The following MYH10 variants were observed in gnomAD, a reference collection of about 807,000 sequenced individuals.
The protein encoded by MYH10 is myosin heavy chain 10.
MYH10 carries 55 observed loss-of-function variants against 257.8 expected under a neutral mutation model. The ratio of observed to expected loss-of-function variants is 0.21; its 90% CI spans 0.17 to 0.27. The LOEUF (loss-of-function observed/expected upper bound fraction) is 0.27. MYH10 is among the 10% of genes least tolerant of loss of function. MYH10 has a pLI of 1.00. For missense variants in MYH10, 1,631 were observed against 2,500.6 expected (o/e 0.65, Z 7.42); for synonymous variants, 854 against 921.7 (o/e 0.93, Z 1.33).
At chr17:8,551,582 C>T (rs2082645358) in intron 9 of MYH10, among the ~76,000 whole-genome samples, 1 of 152,164 alleles carries the variant, frequency 6.6e-6, no homozygotes, top group Non-Finnish European at 1.5e-5. Context: ...CTGCCCAACT[C>T]TAAACTTCTA....
At chr17:8,626,240 G>A (rs185459421) in intron 1 of MYH10, among the ~76,000 whole-genome samples, 1 of 152,252 alleles carries the variant, frequency 6.6e-6, no homozygotes, top group East Asian at 1.9e-4. Flanking sequence ...TTAACAAGTT[G>A]TCTCTTTCCA....
chr17:8,495,593 A>T (rs2151828835), intron 30 of MYH10, among the ~76,000 whole-genome samples: 1 of 152,330 alleles, frequency 6.6e-6, no homozygotes, highest in Middle Eastern at 3.4e-3. Flanking sequence ...GGGGAGGCTG[A>T]AGGCCAGCAG....
At chr17:8,610,540 T>G (rs1255528273) in intron 2 of MYH10, among the ~76,000 whole-genome samples, 1 of 152,230 alleles carries the variant, frequency 6.6e-6, no homozygotes, top group Non-Finnish European at 1.5e-5. Context: ...AAGCATGTGC[T>G]GGAAATTTAA....
At chr17:8,511,925 G>C (rs894127450) in intron 24 of MYH10, among the ~76,000 whole-genome samples, 1 of 152,200 alleles carries the variant, frequency 6.6e-6, no homozygotes, top group African/African-American at 2.4e-5. Flanking sequence ...AAGCACATTT[G>C]TCTGTTTCAA....
chr17:8,572,470 A>T (rs1206695918), intron 6 of MYH10, among the ~76,000 whole-genome samples: 1 of 152,174 alleles, frequency 6.6e-6, no homozygotes. Flanking sequence ...CTTATCTGTG[A>T]TGGTGGATAT....
intron 16 of MYH10, among the ~76,000 whole-genome samples, chr17:8,533,156 G>A (rs1015471470): frequency 6.6e-6 from 1 of 151,986 alleles, no homozygotes; most frequent in African/African-American, 2.4e-5. Flanking sequence ...TCACTTCCAG[G>A]CTCTTTCACT....
chr17:8,513,401 G>T (rs1163049992), intron 23 of MYH10, 137 bp downstream of exon 23: 105 of 1,316,916 alleles, frequency 8.0e-5, no homozygotes, highest in Non-Finnish European at 1.1e-4. Context: ...ATTTGGAAAT[G>T]AGTGAAAAGG....
Position 8,571,608 on chromosome 17 carries a change from T to C in MYH10, c.664-1796A>G, listed in dbSNP as rs1597860164. 2.6e-5 allele frequency among the ~76,000 whole-genome samples: 4 copies of C among 151,666 alleles called. No individual in the cohort carries two copies. In the South Asian group the frequency reaches 8.3e-4, roughly 32 times the overall value. ...CCATCCTGGCTAACACAGTGAAACC[T>C]GTCTCTACTAAAAATACAGAAAAAT... On this transcript the variant is annotated intron_variant, in intron 6 of 42. Coordinates refer to ENST00000360416, the MANE Select transcript of MYH10 (RefSeq NM_001256012.3).
chr17:8,498,953 C>T (rs967504099), intron 30 of MYH10, among the ~76,000 whole-genome samples: 5 of 152,070 alleles, frequency 3.3e-5, no homozygotes, highest in African/African-American at 9.7e-5. Context: ...TTTTTTTGGC[C>T]CATTGTTCCT....
chr17:8,548,251 A>G, intron 11 of MYH10, 62 bp downstream of exon 11: 1 of 1,315,808 alleles, frequency 7.6e-7, no homozygotes, highest in Non-Finnish European at 1.1e-6. Context: ...GCACTGTAAC[A>G]CCTTCTTAGA....
At chr17:8,486,544 A>C (rs1438438778) in intron 36 of MYH10, among the ~76,000 whole-genome samples, 1 of 858 alleles carries the variant, frequency 1.2e-3, no homozygotes, top group African/African-American at 2.7e-3. Flanking sequence ...ATTTAGCTTC[A>C]AAAAAAAAAA....
At chr17:8,553,090 T>C (rs2082690323) in intron 8 of MYH10, among the ~76,000 whole-genome samples, 1 of 152,196 alleles carries the variant, frequency 6.6e-6, no homozygotes, top group African/African-American at 2.4e-5. Flanking sequence ...TCAGATAGCC[T>C]GAATTTTAAG....
intron 2 of MYH10, among the ~76,000 whole-genome samples, chr17:8,609,126 C>A (rs2084928973): frequency 6.6e-6 from 1 of 152,160 alleles, no homozygotes; most frequent in Non-Finnish European, 1.5e-5. Context: ...GGAAATTTTT[C>A]AGCCTGGAAG....
chr17:8,498,882 A>C (rs770934291), intron 30 of MYH10, among the ~76,000 whole-genome samples: 2 of 152,138 alleles, frequency 1.3e-5, no homozygotes, highest in Non-Finnish European at 2.9e-5. Context: ...AGGTTGCACT[A>C]ATTTATACCA....
intron 13 of MYH10, among the ~76,000 whole-genome samples, chr17:8,544,261 GGGT>G (rs939118351): frequency 3.3e-5 from 5 of 152,054 alleles, no homozygotes; most frequent in African/African-American, 1.2e-4. Flanking sequence ...ATCGAGAACA[GGGT>G]GTGTCTCCTC....
intron 4 of MYH10, among the ~76,000 whole-genome samples, chr17:8,578,467 C>T (rs902212420): frequency 2.0e-5 from 3 of 151,992 alleles, no homozygotes; most frequent in Admixed American, 2.0e-4. Flanking sequence ...TGGTCTCAAA[C>T]CCCTGACCTC....
chr17:8,549,074 C>T (rs2082535614), intron 9 of MYH10, among the ~76,000 whole-genome samples: 1 of 152,130 alleles, frequency 6.6e-6, no homozygotes, highest in Admixed American at 6.5e-5. Flanking sequence ...TGGTTATCTG[C>T]GAAATGATGT....
intron 40 of MYH10, among the ~76,000 whole-genome samples, chr17:8,479,200 T>C (rs1913234401): frequency 6.6e-6 from 1 of 152,164 alleles, no homozygotes; most frequent in Non-Finnish European, 1.5e-5. Flanking sequence ...TAATTACCTA[T>C]TGTGATGTAG....
intron 1 of MYH10, among the ~76,000 whole-genome samples, chr17:8,623,951 T>A (rs1378142036): frequency 6.6e-6 from 1 of 152,076 alleles, no homozygotes; most frequent in Non-Finnish European, 1.5e-5. Flanking sequence ...ATCCTGCAGC[T>A]CCTCCACCCC....
Sources: gnomAD v4.1 joint callset for allele counts (sites outside exome capture counted in the v4.1 genomes callset) on GRCh38, gnomAD v4.1.1 for gene constraint, MANE v1.5 for transcripts, NCBI Gene and HGNC (gene_info 2026-07-23, HGNC 2026-07-21) for gene names.